GALK2: variants seen among roughly 807,000 people sequenced by gnomAD.
GALK2 encodes the protein galactokinase 2.
In GALK2, 36 loss-of-function variants were observed where a neutral mutation model predicts 52.4. That is an observed-to-expected ratio of 0.69 (90% CI 0.53 to 0.91). GALK2 has a LOEUF of 0.91. Ranked by LOEUF, GALK2 falls within the 40% of genes least tolerant of loss-of-function variation. The pLI is 0.00. For missense variants in GALK2, 579 were observed against 559.1 expected (o/e 1.04, Z -0.36); for synonymous variants, 176 against 199.1 (o/e 0.88, Z 0.98).
At chr15:49,336,899 C>T (rs1189311653) in intron 3 of GALK2, among the ~76,000 whole-genome samples, 1 of 152,130 alleles carries the variant, frequency 6.6e-6, no homozygotes, top group Admixed American at 6.5e-5. Context: ...ATTGTTGACA[C>T]GTTTATGTCC....
intron 3 of GALK2, among the ~76,000 whole-genome samples, chr15:49,353,251 G>C (rs968426733): frequency 6.6e-6 from 1 of 152,110 alleles, no homozygotes; most frequent in East Asian, 1.9e-4. Context: ...GCTCAAATTA[G>C]AGTAAAATTT....
At chr15:49,279,927 C>T (rs2032446088) in intron 5 of GALK2, among the ~76,000 whole-genome samples, 1 of 152,224 alleles carries the variant, frequency 6.6e-6, no homozygotes, top group Non-Finnish European at 1.5e-5. Context: ...AAGTTTACCT[C>T]ATGTCACAAG....
At position 49,328,214 on chromosome 15, in the gene GALK2, C is replaced by G. The variant is rs182130124; in HGVS notation, c.*55C>G. ...TTAGGGCACTTAGGAATTGGCAGGACTTTCTGTGCCACAGTAAATTAATCT... is the reference window on the plus strand; with the variant it reads ...TTAGGGCACTTAGGAATTGGCAGGAGTTTCTGTGCCACAGTAAATTAATCT... On this transcript the variant is annotated 3_prime_UTR_variant, in exon 10 of 10. Transcript: ENST00000560031. 613 of 1,547,084 alleles carry G rather than the reference C, an allele frequency of 4.0e-4. 2 individuals are homozygous for G. The highest frequency in any genetic ancestry group is 4.6e-4 in the Non-Finnish European group (530 of 1,144,158).
Position 49,327,991 on chromosome 15 carries a change from A to G in GALK2, c.1209A>G (p.Gly403=). 1 of 1,613,786 alleles carries G rather than the reference A, an allele frequency of 6.2e-7. No homozygotes were observed. Among genetic ancestry groups the G allele is most frequent in the Non-Finnish European group, 8.5e-7 (1 of 1,179,756 alleles). Residue 403 remains glycine, a synonymous_variant, in exon 10 of 10, where the codon GGA becomes GGG. Transcript: ENST00000560031. The stretch of plus-strand genomic sequence containing the variant: ...AAGGGTCACGACTTACTGGAGCAGG[A>G]TGGGGAGGCTGCACAGTATCAATGG... ...GAQGSRLTGA[G]WGGCTVSMVP...
intron 3 of GALK2, among the ~76,000 whole-genome samples, chr15:49,355,536 G>A (rs1029553023): frequency 2.0e-5 from 3 of 152,070 alleles, no homozygotes; most frequent in African/African-American, 7.2e-5. Flanking sequence ...GGGAAGTTTA[G>A]AGAAAAAAGA....
intron 1 of GALK2, among the ~76,000 whole-genome samples, chr15:49,174,293 CA>C (rs994024902): frequency 6.6e-6 from 1 of 152,068 alleles, no homozygotes; most frequent in African/African-American, 2.4e-5. Context: ...TAGCTCCTGT[CA>C]AATGGCCCTG....
At chr15:49,231,150 A>C (rs1235966989) in intron 3 of GALK2, among the ~76,000 whole-genome samples, 1 of 152,228 alleles carries the variant, frequency 6.6e-6, no homozygotes, top group Non-Finnish European at 1.5e-5. Context: ...TAAATGGCTC[A>C]TGATTCTCTA....
chr15:49,289,014 C>T lies in GALK2; in HGVS notation c.757-3313C>T, dbSNP rs2033664814. On this transcript the variant is annotated intron_variant, in intron 7 of 9. Coordinates refer to ENST00000560031, the MANE Select transcript of GALK2 (RefSeq NM_002044.4). Reference sequence around the variant, plus strand: ...ACTTTGAGGAAGTTTTCCTTGACTACCTCCTGACCTCAGTTAGGTGAAACA... The same window carrying T: ...ACTTTGAGGAAGTTTTCCTTGACTATCTCCTGACCTCAGTTAGGTGAAACA... Among the ~76,000 whole-genome samples, 4 of 152,316 alleles carry T rather than the reference C, an allele frequency of 2.6e-5. No homozygotes were observed. In the South Asian group the frequency reaches 8.3e-4, roughly 32 times the overall value.
chr15:49,183,259 T>G (rs1343955717), intron 1 of GALK2, among the ~76,000 whole-genome samples: 1 of 152,162 alleles, frequency 6.6e-6, no homozygotes, highest in Non-Finnish European at 1.5e-5. Flanking sequence ...ATTAGGTCAT[T>G]TATTTGGTGT....
rs556685045 is a variant in GALK2, at chr15:49,362,136, T to C, written c.427-5355T>C. 2.0e-5 allele frequency among the ~76,000 whole-genome samples: 3 copies of C among 152,152 alleles called. No homozygotes were observed. The East Asian group carries it at 5.8e-4, about 29-fold the overall frequency. On this transcript the variant is annotated intron_variant, in intron 3 of 3. Coordinates refer to the GALK2 transcript ENST00000558399. ...GATTTAAGTTCCTTATTAACATAGT[T>C]TGGCTCTGTGTCCCCACCCAAATCT...
Position 49,355,354 on chromosome 15 carries a change from A to C in GALK2, c.427-12137A>C, listed in dbSNP as rs1596458297. Among the ~76,000 whole-genome samples the C allele has an allele frequency of 2.0e-5, 3 of 152,338 alleles. No homozygotes were observed. The East Asian group carries it at 5.8e-4, about 29-fold the overall frequency. On this transcript the variant is annotated intron_variant, in intron 3 of 3. Coordinates refer to the GALK2 transcript ENST00000558399. ...TTGAAAACTTTGAAAAAAATTTAGC[A>C]GTATGTATAACTAGAATAACCAATA...
At chr15:49,268,516 G>A (rs534408202) in intron 5 of GALK2, among the ~76,000 whole-genome samples, 1 of 152,326 alleles carries the variant, frequency 6.6e-6, no homozygotes, top group South Asian at 2.1e-4. Flanking sequence ...GAATCATGAA[G>A]TAAGAGAGAA....
chr15:49,272,881 G>A (rs992921729), intron 5 of GALK2, among the ~76,000 whole-genome samples: 4 of 152,170 alleles, frequency 2.6e-5, no homozygotes, highest in Admixed American at 2.6e-4. Flanking sequence ...GGGTCCCTCT[G>A]TGACTTGGAT....
Position 49,283,620 on chromosome 15 carries a change from G to C in GALK2, c.658G>C (p.Gly220Arg). Residue 220 changes from glycine to arginine, a missense_variant, in exon 7 of 10, where the codon GGA becomes CGA. By Grantham distance (125) the Gly-to-Arg change is moderately radical (BLOSUM62 -2). Transcript: ENST00000560031. ...GGCAACCGATGTAAAACTCCCAAGT[G>C]GAGCAGTGTTTGTGATTGCCAACAG... ...LRATDVKLPS[G>R]AVFVIANSCV... 1.9e-6 allele frequency: 3 copies of C among 1,613,970 alleles called. No homozygotes were observed. The African/African-American group carries it at 4.0e-5, about 22-fold the overall frequency.
chr15:49,281,910 T>G, intron 5 of GALK2, 77 bp from the exon 6 acceptor site: 2 of 1,036,832 alleles, frequency 1.9e-6, no homozygotes, highest in Middle Eastern at 2.1e-4. Context: ...CAAACCTGTT[T>G]GTCATGCCTG....
intron 1 of GALK2, among the ~76,000 whole-genome samples, chr15:49,197,505 G>A (rs2087339503): frequency 6.6e-6 from 1 of 152,124 alleles, no homozygotes; most frequent in Admixed American, 6.5e-5. Context: ...ATATCTTGGG[G>A]ATAGCACCCA....
chr15:49,194,505 A>G (rs1257747411), intron 1 of GALK2, among the ~76,000 whole-genome samples: 1 of 152,054 alleles, frequency 6.6e-6, no homozygotes, highest in African/African-American at 2.4e-5. Context: ...AATGTTTGGT[A>G]AGGTTACTCC....
rs909542181 is a variant in GALK2 at position 49,170,304 on chromosome 15, A to G, written c.-19A>G. 3 of 1,575,116 alleles carry G rather than the reference A, an allele frequency of 1.9e-6. No individual in the cohort carries two copies. The highest frequency in any genetic ancestry group is 1.9e-5 in the Admixed American group (1 of 53,762). ...CTTAGACACTTGAAACTACAGGAGAAAGAAGGATCTAGCGAAATATGGCTA... is the reference window on the plus strand; with the variant it reads ...CTTAGACACTTGAAACTACAGGAGAGAGAAGGATCTAGCGAAATATGGCTA... On this transcript the variant is annotated 5_prime_UTR_variant, in exon 1 of 10. Coordinates refer to ENST00000560031, the MANE Select transcript of GALK2 (RefSeq NM_002044.4).
chr15:49,363,794 G>A (rs1375662509), intron 3 of GALK2, among the ~76,000 whole-genome samples: 2 of 152,064 alleles, frequency 1.3e-5, no homozygotes, highest in Admixed American at 1.3e-4. Context: ...TTCCTTCAAT[G>A]TCTAGTTTGT....
Sources: allele counts gnomAD v4.1 joint callset (sites outside exome capture counted in the v4.1 genomes callset), GRCh38; gene constraint gnomAD v4.1.1; transcripts MANE v1.5; gene names NCBI Gene and HGNC (gene_info 2026-07-23, HGNC 2026-07-21).